Variants in ARSB observed in about 807,000 individuals in gnomAD.
ARSB encodes the protein arylsulfatase B, also known as N-acetylgalactosamine-4-sulfatase.
A neutral mutation model predicts 50.9 loss-of-function variants in ARSB; 41 were observed. The ratio of observed to expected loss-of-function variants is 0.81; its 90% CI spans 0.63 to 1.04. The LOEUF (loss-of-function observed/expected upper bound fraction) is 1.04. Among genes scored for constraint, ARSB ranks in the 50% least tolerant of loss-of-function variants. The pLI, the probability that ARSB is intolerant of heterozygous loss-of-function variation, is 0.00. For missense variants in ARSB, 672 were observed against 693.3 expected (o/e 0.97, Z 0.35); for synonymous variants, 269 against 284.8 (o/e 0.94, Z 0.56).
intron 1 of ARSB, among the ~76,000 whole-genome samples, chr5:78,974,974 G>A (rs982273083): frequency 1.3e-5 from 2 of 152,188 alleles, no homozygotes; most frequent in African/African-American, 4.8e-5. Context: ...TTTCTCTTAG[G>A]AGGCACCCAT....
chr5:78,839,678 A>G (rs1219540704), intron 5 of ARSB, among the ~76,000 whole-genome samples: 1 of 152,106 alleles, frequency 6.6e-6, no homozygotes, highest in African/African-American at 2.4e-5. Flanking sequence ...TGATTCTGGG[A>G]CCCTTTGAAA....
rs1315685768 is a variant in ARSB, at chr5:78,842,046, G to A, written c.1143-2620C>T. Among the ~76,000 whole-genome samples, 7 of 152,070 alleles carry A rather than the reference G, an allele frequency of 4.6e-5. No homozygotes were observed. The South Asian group carries it at 8.3e-4, about 18-fold the overall frequency. On this transcript the variant is annotated intron_variant, in intron 5 of 7. Transcript: ENST00000264914. Reference sequence around the variant, plus strand: ...AGGTAGAGAGGGATTGTGGATTTCCGTTAATAGTTAACACTTTATTAACAC... The same window carrying A: ...AGGTAGAGAGGGATTGTGGATTTCCATTAATAGTTAACACTTTATTAACAC...
intron 1 of ARSB, among the ~76,000 whole-genome samples, chr5:78,973,447 T>C (rs1752541827): frequency 6.6e-6 from 1 of 152,242 alleles, no homozygotes; most frequent in Admixed American, 6.5e-5. Context: ...TTCTAGGCTC[T>C]TTCTGTGACA....
At chr5:78,819,016 A>G (rs942793492) in intron 6 of ARSB, among the ~76,000 whole-genome samples, 4 of 152,086 alleles carry the variant, frequency 2.6e-5, no homozygotes, top group Admixed American at 6.5e-5. Flanking sequence ...AGCAGTGAAT[A>G]CCCGTTGAAG....
intron 5 of ARSB, among the ~76,000 whole-genome samples, chr5:78,850,281 T>A (rs1745699564): frequency 6.6e-6 from 1 of 152,242 alleles, no homozygotes; most frequent in Non-Finnish European, 1.5e-5. Flanking sequence ...GTTGTTGAGT[T>A]TTGTCAAAGG....
chr5:78,963,393 C>T (rs961832824), intron 3 of ARSB, among the ~76,000 whole-genome samples: 2 of 152,206 alleles, frequency 1.3e-5, no homozygotes, highest in Non-Finnish European at 2.9e-5. Context: ...TAAGACAGAC[C>T]TGCACCAAGG....
chr5:78,882,029 C>T (rs889094574), intron 5 of ARSB, among the ~76,000 whole-genome samples: 7 of 152,196 alleles, frequency 4.6e-5, no homozygotes, highest in Non-Finnish European at 5.9e-5. Context: ...AGTGGGGAAA[C>T]CCAGCAAGGT....
intron 2 of ARSB, among the ~76,000 whole-genome samples, chr5:78,967,215 G>A (rs1251378560): frequency 1.3e-5 from 2 of 152,174 alleles, no homozygotes; most frequent in Non-Finnish European, 2.9e-5. Context: ...CATTTTTAAA[G>A]ATGTTGTCCA....
intron 6 of ARSB, among the ~76,000 whole-genome samples, chr5:78,804,041 G>T (rs1370082777): frequency 6.6e-6 from 1 of 152,192 alleles, no homozygotes; most frequent in Non-Finnish European, 1.5e-5. Flanking sequence ...AAAGGTATAA[G>T]CAGGCACCCA....
chr5:78,930,942 C>T (rs1270473208), intron 4 of ARSB, among the ~76,000 whole-genome samples: 1 of 152,154 alleles, frequency 6.6e-6, no homozygotes, highest in African/African-American at 2.4e-5. Flanking sequence ...TGATAAACTC[C>T]TGGGGAGGAA....
chr5:78,787,125 T>C (rs914873899), intron 6 of ARSB, among the ~76,000 whole-genome samples: 36 of 151,470 alleles, frequency 2.4e-4, no homozygotes, highest in African/African-American at 8.5e-4. Flanking sequence ...TATCTATCTA[T>C]CTATCTATCT....
chr5:78,871,939 G>A (rs972682714), intron 5 of ARSB, among the ~76,000 whole-genome samples: 1 of 150,924 alleles, frequency 6.6e-6, no homozygotes, highest in African/African-American at 2.4e-5. Flanking sequence ...CTAATATCCA[G>A]AATCTACAAT....
chr5:78,847,030 C>CATTACACAACACA (rs1251874364), intron 5 of ARSB, among the ~76,000 whole-genome samples: 2 of 152,146 alleles, frequency 1.3e-5, no homozygotes, highest in Admixed American at 1.3e-4. Flanking sequence ...ATACTTCATT[C>CATTACACAACACA]TGTTGATGTA....
intron 6 of ARSB, chr5:78,817,228 C>T (rs1744026282): frequency 4.1e-6 from 2 of 484,818 alleles, no homozygotes; most frequent in Non-Finnish European, 5.4e-6. Flanking sequence ...AATCCAACTG[C>T]TTCACTCTCT....
Position 78,920,692 on chromosome 5 carries a change from A to G in ARSB, c.898+34603T>C, listed in dbSNP as rs573584213. Among the ~76,000 whole-genome samples, 12 of 152,180 alleles carry G rather than the reference A, an allele frequency of 7.9e-5. No homozygotes were observed. The East Asian group carries it at 2.3e-3, about 29-fold the overall frequency. On this transcript the variant is annotated intron_variant, in intron 4 of 7. Coordinates refer to ENST00000264914, the MANE Select transcript of ARSB (RefSeq NM_000046.5). ...GACTCTTGTCCCCATAGAGCTCTGCACATCTGGTGATCTGACTCCTAAAAC... is the reference window on the plus strand; with the variant it reads ...GACTCTTGTCCCCATAGAGCTCTGCGCATCTGGTGATCTGACTCCTAAAAC...
chr5:78,957,503 A>T (rs1751783023), intron 3 of ARSB, among the ~76,000 whole-genome samples: 1 of 152,142 alleles, frequency 6.6e-6, no homozygotes, highest in Non-Finnish European at 1.5e-5. Context: ...TTGCTTTAAA[A>T]CCTATTAAAC....
intron 1 of ARSB, among the ~76,000 whole-genome samples, chr5:78,970,831 T>C (rs1752422736): frequency 1.3e-5 from 2 of 152,144 alleles, no homozygotes; most frequent in South Asian, 2.1e-4. Flanking sequence ...CATGGTGGCC[T>C]GTGCCTGTAG....
intron 6 of ARSB, among the ~76,000 whole-genome samples, chr5:78,806,646 T>TAC (rs1352071956): frequency 6.6e-6 from 1 of 152,224 alleles, no homozygotes; most frequent in East Asian, 1.9e-4. Context: ...CACAGCACTC[T>TAC]ACATTGACCT....
At chr5:78,929,792 CAAAAAAA>C (rs11355138) in intron 4 of ARSB, among the ~76,000 whole-genome samples, 1 of 106,648 alleles carries the variant, frequency 9.4e-6, no homozygotes. Context: ...GACTCTGTCT[CAAAAAAA>C]AAAAAAAAAA....
Sources: allele counts gnomAD v4.1 joint callset (sites outside exome capture counted in the v4.1 genomes callset), GRCh38; gene constraint gnomAD v4.1.1; transcripts MANE v1.5; gene names NCBI Gene and HGNC (gene_info 2026-07-23, HGNC 2026-07-21).